Variants in NOL4 observed in about 807,000 individuals in gnomAD.
NOL4 encodes the protein cancer/testis antigen 125.
A neutral mutation model predicts 75.9 loss-of-function variants in NOL4; 17 were observed. That is an observed-to-expected ratio of 0.22 (90% CI 0.15 to 0.34). The LOEUF (loss-of-function observed/expected upper bound fraction) is 0.34. Ranked by LOEUF, NOL4 falls within the 10% of genes least tolerant of loss-of-function variation. The pLI is 1.00. For missense variants in NOL4, 614 were observed against 793.5 expected (o/e 0.77, Z 2.72); for synonymous variants, 292 against 289.9 (o/e 1.01, Z -0.07).
intron 6 of NOL4, among the ~76,000 whole-genome samples, chr18:33,996,840 T>A (rs2073322569): frequency 6.6e-6 from 1 of 151,892 alleles, no homozygotes; most frequent in African/African-American, 2.4e-5. Context: ...TTCCATGTCT[T>A]TGCTATTGCG....
intron 5 of NOL4, among the ~76,000 whole-genome samples, chr18:34,054,849 T>C (rs1057506314): frequency 6.6e-6 from 1 of 151,676 alleles, no homozygotes; most frequent in Non-Finnish European, 1.5e-5. Context: ...GCTTTGACTT[T>C]CTTTTCATTT....
At chr18:33,915,611 A>T (rs1437122382) in intron 9 of NOL4, among the ~76,000 whole-genome samples, 1 of 152,134 alleles carries the variant, frequency 6.6e-6, no homozygotes, top group Non-Finnish European at 1.5e-5. Flanking sequence ...ATCCTAAATA[A>T]GAGTGGAGAA....
At chr18:34,192,765 G>A (rs2035015711) in intron 1 of NOL4, among the ~76,000 whole-genome samples, 1 of 152,190 alleles carries the variant, frequency 6.6e-6, no homozygotes, top group Admixed American at 6.5e-5. Flanking sequence ...GTGTTGAGAG[G>A]TGGGGCTTTT....
intron 10 of NOL4, among the ~76,000 whole-genome samples, chr18:33,868,684 C>CAA (rs2144439589): frequency 1.3e-5 from 2 of 151,560 alleles, no homozygotes; most frequent in East Asian, 3.9e-4. Flanking sequence ...CACACACACA[C>CAA]ACACACACGT....
chr18:34,184,318 TATA>T (rs1476745034), intron 1 of NOL4, among the ~76,000 whole-genome samples: 2 of 151,972 alleles, frequency 1.3e-5, no homozygotes, highest in African/African-American at 4.8e-5. Flanking sequence ...ATATTTTATA[TATA>T]ATAACATGAT....
intron 6 of NOL4, among the ~76,000 whole-genome samples, chr18:33,997,697 A>G (rs569590591): frequency 1.6e-3 from 240 of 148,516 alleles, no homozygotes; most frequent in African/African-American, 5.4e-3. Flanking sequence ...ATATAAATAT[A>G]TACACATATA....
chr18:33,910,749 A>C (rs1423362260), intron 9 of NOL4, among the ~76,000 whole-genome samples: 1 of 152,088 alleles, frequency 6.6e-6, no homozygotes, highest in African/African-American at 2.4e-5. Flanking sequence ...TTCAGTATTA[A>C]AACTCATTTT....
chr18:33,931,928 A>G (rs946609132), intron 9 of NOL4, among the ~76,000 whole-genome samples: 1 of 152,028 alleles, frequency 6.6e-6, no homozygotes, highest in Non-Finnish European at 1.5e-5. Context: ...ACTATCATGC[A>G]AATCAAGAAA....
At chr18:34,079,544 A>G (rs2077903122) in intron 5 of NOL4, among the ~76,000 whole-genome samples, 1 of 152,074 alleles carries the variant, frequency 6.6e-6, no homozygotes, top group Non-Finnish European at 1.5e-5. Context: ...CTACACCTTG[A>G]GTAATGAGAC....
chr18:34,183,537 T>G (rs532268050), intron 1 of NOL4: 1 of 152,114 alleles, frequency 6.6e-6, no homozygotes. Context: ...AAAACTTGTA[T>G]GCAATTGTAG....
At chr18:34,174,068 A>G (rs1187009910) in intron 1 of NOL4, among the ~76,000 whole-genome samples, 3 of 152,204 alleles carry the variant, frequency 2.0e-5, no homozygotes, top group Non-Finnish European at 4.4e-5. Context: ...GAGCAGCTGA[A>G]CAGTACAATA....
At chr18:34,172,540 C>T (rs903239314) in intron 1 of NOL4, among the ~76,000 whole-genome samples, 3 of 152,014 alleles carry the variant, frequency 2.0e-5, no homozygotes, top group Non-Finnish European at 4.4e-5. Flanking sequence ...TGAATTTATA[C>T]CCAGAAGTAG....
intron 1 of NOL4, among the ~76,000 whole-genome samples, chr18:34,139,126 G>T (rs1276939381): frequency 2.6e-5 from 4 of 152,160 alleles, no homozygotes; most frequent in Non-Finnish European, 5.9e-5. Context: ...AGGGATATTG[G>T]TCTAAAATTC....
chr18:34,030,793 T>C (rs546323559), intron 5 of NOL4, among the ~76,000 whole-genome samples: 45 of 152,268 alleles, frequency 3.0e-4, no homozygotes, highest in Non-Finnish European at 5.3e-4. Flanking sequence ...ACATATACTA[T>C]ATATGTAAAA....
At chr18:34,103,963 G>T (rs1026331625) in intron 4 of NOL4, 84 bp downstream of exon 4, 3 of 877,076 alleles carry the variant, frequency 3.4e-6, no homozygotes, top group African/African-American at 1.7e-5. Flanking sequence ...TCTTCAAAAT[G>T]CCATCATGCT....
chr18:33,995,531 C>T (rs1370364481), intron 6 of NOL4, among the ~76,000 whole-genome samples: 1 of 151,400 alleles, frequency 6.6e-6, no homozygotes, highest in African/African-American at 2.4e-5. Context: ...TGACAAAATC[C>T]AACATCATTT....
chr18:34,119,663 C>A (rs998932590), intron 2 of NOL4, among the ~76,000 whole-genome samples: 3 of 152,040 alleles, frequency 2.0e-5, no homozygotes, highest in Admixed American at 1.3e-4. Flanking sequence ...GCTCTGTCGC[C>A]CACGCTGGAG....
chr18:33,987,963 C>G (rs1235994506), intron 6 of NOL4, among the ~76,000 whole-genome samples: 1 of 152,064 alleles, frequency 6.6e-6, no homozygotes, highest in Non-Finnish European at 1.5e-5. Context: ...TACCCTACTA[C>G]TTTCCTAACC....
intron 9 of NOL4, among the ~76,000 whole-genome samples, chr18:33,884,108 GA>G (rs1327557443): frequency 6.6e-6 from 1 of 152,048 alleles, no homozygotes; most frequent in African/African-American, 2.4e-5. Flanking sequence ...TTTTATGTTA[GA>G]ATTGCTTAAA....
Sources: allele counts gnomAD v4.1 joint callset (sites outside exome capture counted in the v4.1 genomes callset), GRCh38; gene constraint gnomAD v4.1.1; transcripts MANE v1.5; gene names NCBI Gene and HGNC (gene_info 2026-07-23, HGNC 2026-07-21).